Variants in COL19A1 observed in about 807,000 individuals in gnomAD.
The protein encoded by COL19A1 is collagen alpha-1(XIX) chain.
A neutral mutation model predicts 190.2 loss-of-function variants in COL19A1; 159 were observed. The observed-to-expected ratio is 0.84, with a 90% CI of 0.73 to 0.95. COL19A1 has a LOEUF of 0.95. Among genes scored for constraint, COL19A1 ranks in the 40% least tolerant of loss-of-function variants. The pLI, the probability that COL19A1 is intolerant of heterozygous loss-of-function variation, is 0.00. For synonymous variants in COL19A1, 509 were observed against 458.9 expected (o/e 1.11, Z -1.39); for missense variants, 1,418 against 1,431.9 (o/e 0.99, Z 0.16).
chr6:70,003,579 G>T (rs1208338616), intron 11 of COL19A1, among the ~76,000 whole-genome samples: 1 of 152,012 alleles, frequency 6.6e-6, no homozygotes, highest in Non-Finnish European at 1.5e-5. Flanking sequence ...TATATATTTA[G>T]AATAGTTAGC....
intron 19 of COL19A1, among the ~76,000 whole-genome samples, chr6:70,139,204 G>A (rs1357047413): frequency 6.6e-6 from 1 of 152,148 alleles, no homozygotes; most frequent in Non-Finnish European, 1.5e-5. Flanking sequence ...TTTGGAAGCA[G>A]GACCAGAGAG....
At chr6:70,069,122 A>T (rs1781411359) in intron 15 of COL19A1, among the ~76,000 whole-genome samples, 1 of 152,020 alleles carries the variant, frequency 6.6e-6, no homozygotes, top group African/African-American at 2.4e-5. Flanking sequence ...AGTCTCAAAA[A>T]ATCTTGTGTG....
intron 49 of COL19A1, among the ~76,000 whole-genome samples, chr6:70,202,298 G>T (rs1475638382): frequency 6.6e-6 from 1 of 152,026 alleles, no homozygotes; most frequent in Non-Finnish European, 1.5e-5. Context: ...AAATCCATTT[G>T]GTTCTGAAAT....
chr6:70,071,954 T>G (rs575436708), intron 15 of COL19A1, among the ~76,000 whole-genome samples: 1 of 152,010 alleles, frequency 6.6e-6, no homozygotes, highest in South Asian at 2.1e-4. Flanking sequence ...TTCGGTTGAG[T>G]AGTGAGGAGG....
chr6:70,035,889 T>G lies in COL19A1; in HGVS notation c.1135-15T>G, dbSNP rs1779327543. On this transcript the variant is annotated splice_polypyrimidine_tract_variant and intron_variant, in intron 13 of 50. Coordinates refer to ENST00000620364, the MANE Select transcript of COL19A1 (RefSeq NM_001858.6). Reference sequence around the variant, plus strand: ...GGACTAGTGGTAATTGTAGCTTTTCTTTAATCTATTTTAGGGAGATACAGG... The same window carrying G: ...GGACTAGTGGTAATTGTAGCTTTTCGTTAATCTATTTTAGGGAGATACAGG... 6.2e-7 allele frequency: 1 copy of G among 1,611,520 alleles called. No individual in the cohort carries two copies. Among genetic ancestry groups the G allele is most frequent in the Non-Finnish European group, 8.5e-7 (1 of 1,178,020 alleles).
At chr6:70,076,907 A>G (rs1781916279) in intron 15 of COL19A1, among the ~76,000 whole-genome samples, 1 of 152,218 alleles carries the variant, frequency 6.6e-6, no homozygotes, top group South Asian at 2.1e-4. Flanking sequence ...TAACTATTTC[A>G]TATGTTTACC....
At chr6:69,986,094 G>C (rs575410356) in intron 11 of COL19A1, among the ~76,000 whole-genome samples, 2 of 151,934 alleles carry the variant, frequency 1.3e-5, no homozygotes, top group East Asian at 3.9e-4. Flanking sequence ...CAGTAAGACA[G>C]TCTACAAAGT....
At chr6:69,882,367 T>C (rs537656845) in intron 2 of COL19A1, among the ~76,000 whole-genome samples, 32 of 152,332 alleles carry the variant, frequency 2.1e-4, no homozygotes, top group Middle Eastern at 3.4e-3. Context: ...TGAACTTCCA[T>C]TTGAATGTGG....
chr6:70,048,085 C>A (rs1780003556), intron 14 of COL19A1, among the ~76,000 whole-genome samples: 1 of 152,072 alleles, frequency 6.6e-6, no homozygotes, highest in South Asian at 2.1e-4. Flanking sequence ...GACATGCTTA[C>A]TAAATGATAC....
At chr6:70,095,448 G>A (rs988090684) in intron 15 of COL19A1, among the ~76,000 whole-genome samples, 5 of 152,044 alleles carry the variant, frequency 3.3e-5, no homozygotes, top group Non-Finnish European at 5.9e-5. Context: ...GTAGTAGAAG[G>A]GCAATGAGGA....
rs36112821 is a variant in COL19A1, at chr6:70,207,364, CT to C, written c.*113del. 13,799 of 177,402 alleles carry C rather than the reference CT, an allele frequency of 0.078. 1 individual carries two copies. Among genetic ancestry groups the C allele is most frequent in the Middle Eastern group, 0.11 (33 of 306 alleles). The allele number at this position is 177,402 out of a possible 1,614,324, so 11.0% of individuals were successfully genotyped here. On this transcript the variant is annotated 3_prime_UTR_variant, in exon 51 of 51. Coordinates refer to ENST00000620364, the MANE Select transcript of COL19A1 (RefSeq NM_001858.6). ...TCAAACCCTCATCATCTGTGGGTTGCTTTTTTTTTTTTTTTTTTTTTTTGGG... is the reference window on the plus strand; with the variant it reads ...TCAAACCCTCATCATCTGTGGGTTGCTTTTTTTTTTTTTTTTTTTTTTGGG...
chr6:69,895,757 T>C (rs1372322289), intron 2 of COL19A1, among the ~76,000 whole-genome samples: 2 of 152,244 alleles, frequency 1.3e-5, no homozygotes, highest in African/African-American at 4.8e-5. Context: ...TTTTTCTATT[T>C]AATATTATAT....
At chr6:70,134,970 GT>G (rs1554213457) in intron 18 of COL19A1, among the ~76,000 whole-genome samples, 1 of 80,420 alleles carries the variant, frequency 1.2e-5, no homozygotes, top group Non-Finnish European at 3.2e-5. Context: ...AAAGCCCCGT[GT>G]TGTTTTATCT....
intron 16 of COL19A1, among the ~76,000 whole-genome samples, chr6:70,109,107 C>T (rs1784135339): frequency 6.6e-6 from 1 of 152,030 alleles, no homozygotes; most frequent in Admixed American, 6.6e-5. Flanking sequence ...AGGCAGTACA[C>T]CAATGGTTAA....
At chr6:69,909,662 A>T (rs185167221) in intron 4 of COL19A1, among the ~76,000 whole-genome samples, 1 of 152,082 alleles carries the variant, frequency 6.6e-6, no homozygotes, top group Non-Finnish European at 1.5e-5. Flanking sequence ...AACATTGACA[A>T]CCCAATTTAT....
chr6:70,028,912 A>C (rs1002795655), intron 12 of COL19A1, among the ~76,000 whole-genome samples: 1 of 150,880 alleles, frequency 6.6e-6, no homozygotes, highest in South Asian at 2.1e-4. Context: ...TAGCTCTAAT[A>C]GGTACATGTT....
chr6:70,037,909 T>C (rs1242821003), intron 14 of COL19A1, among the ~76,000 whole-genome samples: 2 of 152,198 alleles, frequency 1.3e-5, no homozygotes, highest in Non-Finnish European at 2.9e-5. Context: ...GAAAAAACAC[T>C]ATGAAATGAA....
rs1489186450 is a variant in COL19A1, at chr6:70,150,036, A to G, written c.2028A>G (p.Pro676=). 4 of 1,613,752 alleles carry G rather than the reference A, an allele frequency of 2.5e-6. No homozygotes were observed. Among genetic ancestry groups the G allele is most frequent in the African/African-American group, 1.3e-5 (1 of 75,018 alleles). The change falls in exon 30 of 51, where the codon CCA becomes CCG. Residue 676 remains proline, a synonymous_variant. Coordinates refer to ENST00000620364, the MANE Select transcript of COL19A1 (RefSeq NM_001858.6). ...RDGKPGLPGP[P]GDPIALPLLG... Reference sequence around the variant, plus strand: ...GAAAGCCAGGCCTGCCAGGCCCCCCAGGTGACCCGGTATGTAGACAAACCT... The same window carrying G: ...GAAAGCCAGGCCTGCCAGGCCCCCCGGGTGACCCGGTATGTAGACAAACCT...
chr6:70,156,493 TGG>T, intron 33 of COL19A1, 124 bp downstream of exon 33: 1 of 987,170 alleles, frequency 1.0e-6, no homozygotes, highest in Non-Finnish European at 1.5e-6. Context: ...TGTATGTATA[TGG>T]AGAGAGAGAG....
Sources: allele counts gnomAD v4.1 joint callset (sites outside exome capture counted in the v4.1 genomes callset), GRCh38; gene constraint gnomAD v4.1.1; transcripts MANE v1.5; gene names NCBI Gene and HGNC (gene_info 2026-07-23, HGNC 2026-07-21).